NUMB: variants seen among roughly 807,000 people sequenced by gnomAD.
The protein encoded by NUMB is protein numb homolog.
In NUMB, 29 loss-of-function variants were observed where a neutral mutation model predicts 59.7. The ratio of observed to expected loss-of-function variants is 0.49; its 90% CI spans 0.36 to 0.66. NUMB has a LOEUF of 0.66. NUMB is among the 30% of genes least tolerant of loss of function. The pLI, the probability that NUMB is intolerant of heterozygous loss-of-function variation, is 0.00. For synonymous variants in NUMB, 288 were observed against 288.2 expected (o/e 1.00, Z 0.01); for missense variants, 723 against 822.0 (o/e 0.88, Z 1.47).
chr14:73,296,299 G>A (rs1447025883), intron 7 of NUMB, among the ~76,000 whole-genome samples: 7 of 151,966 alleles, frequency 4.6e-5, no homozygotes, highest in Non-Finnish European at 8.8e-5. Flanking sequence ...AAAAATTAGC[G>A]GGGCATGGTG....
chr14:73,440,241 A>ATC (rs1882944301), intron 1 of NUMB, among the ~76,000 whole-genome samples: 1 of 150,784 alleles, frequency 6.6e-6, no homozygotes, highest in Non-Finnish European at 1.5e-5. Context: ...ATATCCATAT[A>ATC]TATATACATC....
intron 1 of NUMB, among the ~76,000 whole-genome samples, chr14:73,418,763 C>T (rs897506607): frequency 6.6e-6 from 1 of 151,370 alleles, no homozygotes; most frequent in Non-Finnish European, 1.5e-5. Flanking sequence ...AAGAGCAAAA[C>T]TCTGTCTCGA....
chr14:73,416,091 A>G (rs1450226215), intron 1 of NUMB, among the ~76,000 whole-genome samples: 3 of 152,210 alleles, frequency 2.0e-5, no homozygotes, highest in Non-Finnish European at 2.9e-5. Flanking sequence ...ATTTTATGCC[A>G]CTTCCTAGAT....
chr14:73,449,324 C>T (rs61987085), intron 1 of NUMB, among the ~76,000 whole-genome samples: 23,762 of 152,038 alleles, frequency 0.16, 2,679 homozygotes, highest in Non-Finnish European at 0.23. Flanking sequence ...CAATCCCCCA[C>T]TGATACCTGT....
Position 73,279,348 on chromosome 14 carries a change from C to T in NUMB, c.1173G>A (p.Val391=). 6.2e-7 allele frequency: 1 copy of T among 1,613,540 alleles called. No homozygotes were observed. Among genetic ancestry groups the T allele is most frequent in the South Asian group, 1.1e-5 (1 of 91,016 alleles). ...HTALAPVAMP[V]RETNPWAHAP... is the part of the protein sequence containing the mutation. ...CATGGGCCCAAGGGTTGGTTTCACGCACAGGCATTGCTACGGGTGCTAGAG... is the reference window on the plus strand; with the variant it reads ...CATGGGCCCAAGGGTTGGTTTCACGTACAGGCATTGCTACGGGTGCTAGAG... The change falls in exon 12 of 13, where the codon GTG becomes GTA. Residue 391 remains valine, a synonymous_variant. Coordinates refer to ENST00000555238, the MANE Select transcript of NUMB (RefSeq NM_001005743.2).
chr14:73,379,691 C>T (rs1020026263), intron 2 of NUMB, among the ~76,000 whole-genome samples: 1 of 152,154 alleles, frequency 6.6e-6, no homozygotes, highest in Non-Finnish European at 1.5e-5. Flanking sequence ...TGGAAGAGAG[C>T]ACTCCAGGTG....
intron 8 of NUMB, among the ~76,000 whole-genome samples, chr14:73,290,582 C>A (rs973257506): frequency 6.6e-6 from 1 of 152,194 alleles, no homozygotes; most frequent in African/African-American, 2.4e-5. Context: ...AGACCATGGC[C>A]ACTACTTATC....
At chr14:73,294,108 C>A (rs1284468392) in intron 7 of NUMB, among the ~76,000 whole-genome samples, 3 of 152,170 alleles carry the variant, frequency 2.0e-5, no homozygotes, top group Admixed American at 6.5e-5. Flanking sequence ...GATTCCGTTA[C>A]ATTCCTTGGA....
At chr14:73,295,133 G>C (rs1029874903) in intron 7 of NUMB, among the ~76,000 whole-genome samples, 1 of 148,886 alleles carries the variant, frequency 6.7e-6, no homozygotes, top group African/African-American at 2.5e-5. Context: ...AGGTGGGATA[G>C]CAAGGCAATC....
intron 6 of NUMB, among the ~76,000 whole-genome samples, chr14:73,308,494 A>C (rs528763763): frequency 6.7e-4 from 102 of 152,324 alleles, no homozygotes; most frequent in Non-Finnish European, 1.0e-3. Context: ...CTCTTCACTC[A>C]TATTTATTCA....
chr14:73,370,230 C>G (rs1409567443), intron 2 of NUMB, among the ~76,000 whole-genome samples: 1 of 152,092 alleles, frequency 6.6e-6, no homozygotes, highest in African/African-American at 2.4e-5. Flanking sequence ...CTGTCTAGAA[C>G]AAAGGCCATC....
intron 1 of NUMB, 139 bp downstream of exon 1, chr14:73,458,354 C>CGCACTG (rs1884579801): frequency 1.3e-5 from 2 of 153,972 alleles, no homozygotes; most frequent in Non-Finnish European, 2.9e-5. Context: ...CCGCCGCCTC[C>CGCACTG]GCCCTGGCCC....
intron 8 of NUMB, among the ~76,000 whole-genome samples, chr14:73,288,064 A>AG (rs1296177150): frequency 6.6e-6 from 1 of 152,236 alleles, no homozygotes; most frequent in Admixed American, 6.5e-5. Context: ...TAATATGTCT[A>AG]GGAAAAAAAG....
chr14:73,318,154 C>T (rs895978218), intron 5 of NUMB, among the ~76,000 whole-genome samples: 1 of 152,154 alleles, frequency 6.6e-6, no homozygotes, highest in Non-Finnish European at 1.5e-5. Context: ...TTCAAGGATG[C>T]GGCCAAAGTT....
At chr14:73,412,731 G>C (rs1007468313) in intron 1 of NUMB, among the ~76,000 whole-genome samples, 1 of 151,924 alleles carries the variant, frequency 6.6e-6, no homozygotes, top group African/African-American at 2.4e-5. Context: ...AAGCTCAAGT[G>C]ATCCTTCTGC....
intron 4 of NUMB, among the ~76,000 whole-genome samples, chr14:73,348,555 G>A (rs1049527507): frequency 1.3e-5 from 2 of 152,192 alleles, no homozygotes; most frequent in African/African-American, 2.4e-5. Context: ...ATAGGAGCGC[G>A]AACTCTATTG....
intron 4 of NUMB, 135 bp from the exon 5 acceptor site, chr14:73,323,339 G>A (rs1207039085): frequency 1.8e-6 from 1 of 552,410 alleles, no homozygotes; most frequent in Non-Finnish European, 3.2e-6. Flanking sequence ...ACACTTCTGG[G>A]TGTCAAGCAT....
chr14:73,389,963 C>CA (rs1247282164), intron 2 of NUMB, among the ~76,000 whole-genome samples: 1 of 151,374 alleles, frequency 6.6e-6, no homozygotes, highest in Non-Finnish European at 1.5e-5. Context: ...TGAAATATAC[C>CA]AAAAAACATT....
chr14:73,430,421 G>A (rs1897772788), intron 1 of NUMB, among the ~76,000 whole-genome samples: 1 of 151,660 alleles, frequency 6.6e-6, no homozygotes, highest in African/African-American at 2.4e-5. Flanking sequence ...CTTGAGCCCA[G>A]GAGTTCCGAG....
Sources: gnomAD v4.1 joint callset for allele counts (sites outside exome capture counted in the v4.1 genomes callset) on GRCh38, gnomAD v4.1.1 for gene constraint, MANE v1.5 for transcripts, NCBI Gene and HGNC (gene_info 2026-07-23, HGNC 2026-07-21) for gene names.